The following PDE4D variants were observed in gnomAD, a reference collection of about 807,000 sequenced individuals.
PDE4D encodes phosphodiesterase 4D, also known as 3',5'-cyclic-AMP phosphodiesterase 4D.
Under a neutral mutation model 87.4 loss-of-function variants are expected in PDE4D, and 24 were observed. That is an observed-to-expected ratio of 0.27 (90% CI 0.20 to 0.39). The LOEUF is 0.39. PDE4D is among the 10% of genes least tolerant of loss of function. PDE4D has a pLI of 1.00. For synonymous variants in PDE4D, 384 were observed against 383.2 expected, an observed-to-expected ratio of 1.00 and a Z score of -0.02; for missense variants, 714 against 1,041.0, an observed-to-expected ratio of 0.69 and a Z score of 4.32.
intron 11 of PDE4D, among the ~76,000 whole-genome samples, chr5:58,977,554 C>T (rs1192668701): frequency 6.6e-6 from 1 of 152,164 alleles, no homozygotes; most frequent in East Asian, 1.9e-4. Context: ...TCTAATGCTA[C>T]TAACATGTGG....
chr5:59,322,609 G>A (rs1351242106), intron 1 of PDE4D, among the ~76,000 whole-genome samples: 1 of 152,074 alleles, frequency 6.6e-6, no homozygotes, highest in Non-Finnish European at 1.5e-5. Flanking sequence ...TATGTTTTAG[G>A]CATTGCAGCA....
chr5:59,129,669 G>A (rs1551938), intron 5 of PDE4D, among the ~76,000 whole-genome samples: 114,249 of 152,092 alleles, frequency 0.75, 43,343 homozygotes, highest in African/African-American at 0.84. Flanking sequence ...TCAGAGGACT[G>A]TAACTGCTTC....
chr5:59,386,022 T>G (rs1401310815), intron 1 of PDE4D, among the ~76,000 whole-genome samples: 1 of 152,164 alleles, frequency 6.6e-6, no homozygotes, highest in Admixed American at 6.5e-5. Flanking sequence ...ATTTCTGTGG[T>G]AGGGTGTGCG....
At chr5:59,647,417 T>A (rs1028224742) in intron 1 of PDE4D, among the ~76,000 whole-genome samples, 1 of 151,824 alleles carries the variant, frequency 6.6e-6, no homozygotes, top group African/African-American at 2.4e-5. Context: ...TATTCATATA[T>A]GTACATTTTA....
chr5:59,650,525 C>A (rs561125233), intron 1 of PDE4D, among the ~76,000 whole-genome samples: 359 of 152,182 alleles, frequency 2.4e-3, no homozygotes, highest in African/African-American at 8.2e-3. Context: ...GACTGAGGAA[C>A]AATCTGAAAA....
At chr5:59,332,937 C>T (rs1167443179) in intron 1 of PDE4D, among the ~76,000 whole-genome samples, 1 of 152,210 alleles carries the variant, frequency 6.6e-6, no homozygotes, top group African/African-American at 2.4e-5. Context: ...GAGATGCTGC[C>T]TCTTTGCAAA....
Position 59,964,735 on chromosome 5 carries a change from A to G in PDE4D, c.272+23753T>C, listed in dbSNP as rs548123591. 2.0e-5 allele frequency among the ~76,000 whole-genome samples: 3 copies of G among 152,014 alleles called. No homozygotes were observed. The South Asian group carries it at 6.2e-4, about 32-fold the overall frequency. The stretch of plus-strand genomic sequence containing the variant: ...GTCTCTCCACAGAAACTCTTGTTGC[A>G]CTCTCCTATCCAATCTCTATCAGTA... On this transcript the variant is annotated intron_variant, in intron 3 of 16. Transcript: ENST00000502484.
In PDE4D at chr5:59,354,199, G is replaced by A. The variant is rs577453096; in HGVS notation, c.456-138231C>T. Among the ~76,000 whole-genome samples the A allele has an allele frequency of 3.3e-5, 5 of 152,246 alleles. No individual in the cohort carries two copies. In the South Asian group the frequency reaches 1.0e-3, roughly 32 times the overall value. ...ATTGCTCATAAAAAAAATTATAAGGGAGAAATTCAATGAAGAAATGTTGTC... is the reference window on the plus strand; with the variant it reads ...ATTGCTCATAAAAAAAATTATAAGGAAGAAATTCAATGAAGAAATGTTGTC... On this transcript the variant is annotated intron_variant, in intron 1 of 14. Coordinates refer to ENST00000340635, the MANE Select transcript of PDE4D (RefSeq NM_001104631.2).
intron 6 of PDE4D, chr5:58,999,567 ATG>A (rs1554041384): frequency 4.7e-6 from 5 of 1,069,752 alleles, no homozygotes; most frequent in South Asian, 3.0e-5. Context: ...ATATATATAT[ATG>A]TATATATATA....
chr5:59,551,093 G>T (rs551469158), intron 1 of PDE4D, among the ~76,000 whole-genome samples: 1 of 151,912 alleles, frequency 6.6e-6, no homozygotes, highest in South Asian at 2.1e-4. Context: ...TTTTCTTTAT[G>T]GTGTTTTTGA....
At chr5:59,487,721 T>A (rs1805403123) in intron 1 of PDE4D, among the ~76,000 whole-genome samples, 1 of 151,968 alleles carries the variant, frequency 6.6e-6, no homozygotes, top group Non-Finnish European at 1.5e-5. Flanking sequence ...GAAGACTTAG[T>A]CCCTGGCTAT....
At position 59,219,446 on chromosome 5, in the gene PDE4D, T is replaced by A. The variant is rs373954124; in HGVS notation, c.456-3478A>T. On this transcript the variant is annotated intron_variant, in intron 1 of 14. Coordinates refer to ENST00000340635, the MANE Select transcript of PDE4D (RefSeq NM_001104631.2). ...ATCCTCTTATAATCAAAATTAATTA[T>A]CAAGAAAAAGTAATATTACCGAGAA... 2.6e-5 allele frequency among the ~76,000 whole-genome samples: 4 copies of A among 152,266 alleles called. No individual in the cohort carries two copies. In the South Asian group the frequency reaches 8.3e-4, roughly 32 times the overall value.
intron 1 of PDE4D, among the ~76,000 whole-genome samples, chr5:59,235,912 ACTTAAACATATCAGAC>A (rs1158332513): frequency 1.3e-5 from 2 of 152,212 alleles, no homozygotes; most frequent in Non-Finnish European, 2.9e-5. Flanking sequence ...GGTTAAATTT[ACTTAAACATATCAGAC>A]CAGCTTTGCA....
rs576418217 is a variant in PDE4D, at chr5:59,490,462, A to C, written c.456-274494T>G. On this transcript the variant is annotated intron_variant, in intron 1 of 14. Transcript: ENST00000340635. ...GATAAATATTATGATCTCCACTTTG[A>C]AGATGAAGCTGGAGACATAAATAAC... Among the ~76,000 whole-genome samples, 9 of 152,290 alleles carry C rather than the reference A, an allele frequency of 5.9e-5. No individual in the cohort carries two copies. The South Asian group carries it at 1.9e-3, about 32-fold the overall frequency.
intron 5 of PDE4D, among the ~76,000 whole-genome samples, chr5:59,083,816 G>T (rs981482693): frequency 6.6e-6 from 1 of 151,794 alleles, no homozygotes; most frequent in African/African-American, 2.4e-5. Context: ...GTTTGGTTTG[G>T]TTTTTTGTCT....
intron 3 of PDE4D, among the ~76,000 whole-genome samples, chr5:59,934,350 T>C (rs184109912): frequency 9.1e-4 from 139 of 152,330 alleles, no homozygotes; most frequent in Admixed American, 1.8e-3. Flanking sequence ...CAAGAGGAAG[T>C]ATCTGGAGGT....
At chr5:59,104,822 A>T (rs1771325500) in intron 5 of PDE4D, among the ~76,000 whole-genome samples, 1 of 152,116 alleles carries the variant, frequency 6.6e-6, no homozygotes, top group African/African-American at 2.4e-5. Flanking sequence ...GATGATGTGA[A>T]TGCACTTACT....
intron 2 of PDE4D, among the ~76,000 whole-genome samples, chr5:60,171,176 T>C (rs576522961): frequency 2.6e-5 from 4 of 152,202 alleles, no homozygotes; most frequent in African/African-American, 9.6e-5. Context: ...AAAAATAGTA[T>C]ACACAAATCG....
At chr5:59,206,534 A>G (rs1379949668) in intron 2 of PDE4D, among the ~76,000 whole-genome samples, 1 of 152,164 alleles carries the variant, frequency 6.6e-6, no homozygotes, top group African/African-American at 2.4e-5. Context: ...AAATATTTAA[A>G]ATGATTGATG....
Sources: gnomAD v4.1 joint callset for allele counts (sites outside exome capture counted in the v4.1 genomes callset) on GRCh38, gnomAD v4.1.1 for gene constraint, MANE v1.5 for transcripts, NCBI Gene and HGNC (gene_info 2026-07-23, HGNC 2026-07-21) for gene names.